Variants in AAGAB observed in about 807,000 individuals in gnomAD.
The protein encoded by AAGAB is alpha- and gamma-adaptin-binding protein p34.
Under a neutral mutation model 44.1 loss-of-function variants are expected in AAGAB, and 38 were observed. The ratio of observed to expected loss-of-function variants is 0.86; its 90% CI spans 0.67 to 1.13. AAGAB has a LOEUF of 1.13. AAGAB is among the 50% of genes most tolerant of loss of function. The pLI is 0.00. For missense variants in AAGAB, 450 were observed against 373.8 expected (o/e 1.20, Z -1.68); for synonymous variants, 131 against 131.8 (o/e 0.99, Z 0.04).
chr15:67,208,520 G>A (rs1489925435), intron 7 of AAGAB, 42 bp downstream of exon 7: 1 of 1,562,118 alleles, frequency 6.4e-7, no homozygotes, highest in Non-Finnish European at 8.8e-7. Flanking sequence ...CCTATTCCAA[G>A]TTGCACAAAG....
chr15:67,243,625 G>A (rs979939771), intron 1 of AAGAB, among the ~76,000 whole-genome samples: 4 of 152,050 alleles, frequency 2.6e-5, no homozygotes, highest in Non-Finnish European at 4.4e-5. Flanking sequence ...GAATTGTCTG[G>A]GCCAAAAGAT....
chr15:67,239,069 A>G (rs897859265), intron 1 of AAGAB, among the ~76,000 whole-genome samples: 13 of 152,322 alleles, frequency 8.5e-5, no homozygotes, highest in Admixed American at 8.5e-4. Context: ...AAAATACAGT[A>G]ATGAATTCAC....
At chr15:67,254,219 A>C in intron 1 of AAGAB, 1 of 288,380 alleles carries the variant, frequency 3.5e-6, no homozygotes, top group Non-Finnish European at 6.4e-6. Context: ...CAACAATTCC[A>C]GCACCTTACA....
chr15:67,208,740 C>T, intron 6 of AAGAB, 82 bp from the exon 7 acceptor site: 2 of 1,224,902 alleles, frequency 1.6e-6, no homozygotes, highest in Non-Finnish European at 2.3e-6. Context: ...CACTTTCAGT[C>T]CTTGGTTGGC....
chr15:67,234,122 G>A (rs535051767), intron 4 of AAGAB, among the ~76,000 whole-genome samples: 4 of 151,720 alleles, frequency 2.6e-5, no homozygotes, highest in East Asian at 3.9e-4. Context: ...GCGTGGTGGC[G>A]GGCGCCTGCA....
At chr15:67,253,543 C>T (rs1964952670) in intron 1 of AAGAB, among the ~76,000 whole-genome samples, 1 of 151,938 alleles carries the variant, frequency 6.6e-6, no homozygotes, top group African/African-American at 2.4e-5. Flanking sequence ...CACTTGAAAC[C>T]ACGAGTTGGA....
chr15:67,203,562 C>T lies in AAGAB; in HGVS notation c.856G>A (p.Val286Met), dbSNP rs898437068. Reference protein sequence around the residue: ...AATLPHEQRKVHAEKVAKAFW... With the variant: ...AATLPHEQRKMHAEKVAKAFW... ...GATTGTCTCACCTTTTCTGCATGCA[C>T]TTTTCTTTGCTCATGAGGAAGCGTC... Residue 286 changes from valine (V) to methionine (M), a missense_variant, in exon 9 of 10, where the codon GTG becomes ATG. Val to Met is a conservative substitution (Grantham distance 21). Coordinates refer to ENST00000261880, the MANE Select transcript of AAGAB (RefSeq NM_024666.5). 8 of 1,613,576 alleles carry T rather than the reference C, an allele frequency of 5.0e-6. No individual in the cohort carries two copies. Among genetic ancestry groups the T allele is most frequent in the African/African-American group, 4.0e-5 (3 of 74,908 alleles).
rs1468029525 is a variant in AAGAB, at chr15:67,216,765, T to C, written c.536-7221A>G. Among the ~76,000 whole-genome samples, 3 of 146,744 alleles carry C rather than the reference T, an allele frequency of 2.0e-5. No homozygotes were observed. In the East Asian group the frequency reaches 6.1e-4, roughly 30 times the overall value. On this transcript the variant is annotated intron_variant, in intron 5 of 9. Transcript: ENST00000261880. ...TCAGAACCAGTACAAGACTTTACCA[T>C]GAAAAAAAAAAATAAAGATGACTTA...
At chr15:67,222,355 C>A (rs1964103747) in intron 5 of AAGAB, among the ~76,000 whole-genome samples, 1 of 151,610 alleles carries the variant, frequency 6.6e-6, no homozygotes, top group African/African-American at 2.4e-5. Context: ...TGCTGCCTGG[C>A]AAATCATACT....
chr15:67,229,711 C>T (rs1432435283), intron 5 of AAGAB, among the ~76,000 whole-genome samples: 1 of 151,944 alleles, frequency 6.6e-6, no homozygotes, highest in Non-Finnish European at 1.5e-5. Context: ...CTAAAGGGTG[C>T]CAATCTCACT....
At chr15:67,230,538 G>A (rs1397554495) in intron 5 of AAGAB, among the ~76,000 whole-genome samples, 1 of 152,166 alleles carries the variant, frequency 6.6e-6, no homozygotes, top group Non-Finnish European at 1.5e-5. Flanking sequence ...CTAGAAGAGA[G>A]GCCTGAAACA....
intron 1 of AAGAB, among the ~76,000 whole-genome samples, chr15:67,245,842 A>G (rs75052327): frequency 6.6e-6 from 1 of 152,214 alleles, no homozygotes; most frequent in East Asian, 1.9e-4. Flanking sequence ...TTTTTCCCCC[A>G]CAGAAATCCT....
chr15:67,242,641 T>C (rs1964630321), intron 1 of AAGAB: 1 of 152,204 alleles, frequency 6.6e-6, no homozygotes, highest in African/African-American at 2.4e-5. Context: ...CTTTGTAGCA[T>C]GGTAGTATTT....
At chr15:67,231,564 G>A (rs778357605) in intron 5 of AAGAB, among the ~76,000 whole-genome samples, 3 of 152,120 alleles carry the variant, frequency 2.0e-5, no homozygotes, top group South Asian at 2.1e-4. Context: ...TAATTTTGGA[G>A]GTACTTCTCA....
chr15:67,216,920 G>C (rs1595987295), intron 5 of AAGAB, among the ~76,000 whole-genome samples: 1 of 152,256 alleles, frequency 6.6e-6, no homozygotes, highest in East Asian at 1.9e-4. Context: ...TGATTCATTT[G>C]CTTACAGTTA....
At chr15:67,247,036 G>A (rs942389363) in intron 1 of AAGAB, among the ~76,000 whole-genome samples, 5 of 152,176 alleles carry the variant, frequency 3.3e-5, no homozygotes, top group South Asian at 2.1e-4. Flanking sequence ...AACACTCACC[G>A]TGAGGGTCTG....
intron 1 of AAGAB, among the ~76,000 whole-genome samples, chr15:67,244,778 T>G (rs1964682076): frequency 6.6e-6 from 1 of 151,640 alleles, no homozygotes; most frequent in African/African-American, 2.4e-5. Context: ...CACTCCAGCC[T>G]GGGCAAGAGA....
intron 3 of AAGAB, 56 bp downstream of exon 3, chr15:67,236,352 T>A: frequency 1.3e-6 from 2 of 1,494,952 alleles, no homozygotes; most frequent in Non-Finnish European, 1.9e-6. Flanking sequence ...ATGTACTCTG[T>A]TTATCAAGGA....
chr15:67,240,667 A>AG (rs1964575197), intron 1 of AAGAB, among the ~76,000 whole-genome samples: 2 of 152,248 alleles, frequency 1.3e-5, no homozygotes, highest in African/African-American at 4.8e-5. Flanking sequence ...TTACAAAGCC[A>AG]TCAATTCTCC....
Sources: gnomAD v4.1 joint callset for allele counts (sites outside exome capture counted in the v4.1 genomes callset) on GRCh38, gnomAD v4.1.1 for gene constraint, MANE v1.5 for transcripts, NCBI Gene and HGNC (gene_info 2026-07-23, HGNC 2026-07-21) for gene names.